RNF166: variants seen among roughly 807,000 people sequenced by gnomAD.
The protein encoded by RNF166 is E3 ubiquitin-protein ligase RNF166.
RNF166 carries 19 observed loss-of-function variants against 29.4 expected under a neutral mutation model. The ratio of observed to expected loss-of-function variants is 0.65; its 90% confidence interval spans 0.45 to 0.95. The LOEUF is 0.95. Ranked by LOEUF, RNF166 falls within the 40% of genes least tolerant of loss-of-function variation. The pLI is 0.00. For missense variants in RNF166, 347 were observed against 322.1 expected (o/e 1.08, Z -0.59); for synonymous variants, 171 against 134.5 (o/e 1.27, Z -1.88).
intron 2 of RNF166, 195 bp downstream of exon 2, chr16:88,701,067 C>A (rs1179195541): frequency 7.6e-7 from 1 of 1,312,582 alleles, no homozygotes. Context: ...CCCCGTCAGC[C>A]GTCACCACAG....
chr16:88,700,130 C>T (rs780437510), intron 2 of RNF166: 37 of 161,526 alleles, frequency 2.3e-4, no homozygotes, highest in African/African-American at 4.8e-4. Context: ...GGGATGCTTC[C>T]GTGGAGGCAG....
chr16:88,698,131 TG>T (rs1211222664), intron 5 of RNF166: 2 of 578,376 alleles, frequency 3.5e-6, no homozygotes, highest in African/African-American at 3.8e-5. Flanking sequence ...CCGCGGCGGG[TG>T]GGAAAAGGAG....
At chr16:88,698,737 G>T in intron 4 of RNF166, 128 bp from the exon 5 acceptor site, 1 of 713,982 alleles carries the variant, frequency 1.4e-6, no homozygotes. Context: ...CAGACCTGGA[G>T]GCGCGTGTCC....
intron 2 of RNF166, chr16:88,700,975 C>T: frequency 7.6e-7 from 1 of 1,312,462 alleles, no homozygotes; most frequent in Non-Finnish European, 9.8e-7. Flanking sequence ...GCCCCCTGGT[C>T]CTTACCCTGG....
chr16:88,698,100 G>T, intron 5 of RNF166: 1 of 581,670 alleles, frequency 1.7e-6, no homozygotes, highest in South Asian at 2.1e-5. Context: ...TGCAGGCCCG[G>T]GGGCCAGGTG....
chr16:88,703,917 G>C, intron 1 of RNF166: 1 of 985,460 alleles, frequency 1.0e-6, no homozygotes, highest in South Asian at 4.7e-5. Context: ...AGTGGAGGCT[G>C]CTCACACAGC....
chr16:88,704,026 C>G (rs572122558), intron 1 of RNF166: 1 of 985,328 alleles, frequency 1.0e-6, no homozygotes, highest in East Asian at 1.1e-4. Flanking sequence ...GAGAACAGCT[C>G]CTGCTGGGCC....
chr16:88,700,761 C>T (rs1910134092), intron 2 of RNF166: 1 of 998,340 alleles, frequency 1.0e-6, no homozygotes. Flanking sequence ...CAATGAGGCC[C>T]ATGACAAGCT....
intron 1 of RNF166, chr16:88,704,446 C>A (rs1910564232): frequency 1.0e-6 from 1 of 985,332 alleles, no homozygotes; most frequent in Admixed American, 6.1e-5. Flanking sequence ...CTCCACAATT[C>A]CATGTGGTTC....
At chr16:88,702,361 A>T (rs975359636) in intron 1 of RNF166, among the ~76,000 whole-genome samples, 9 of 152,180 alleles carry the variant, frequency 5.9e-5, no homozygotes, top group African/African-American at 2.2e-4. Flanking sequence ...CAGGAAGGCT[A>T]CAGCACCCGG....
At position 88,706,239 on chromosome 16, in the gene RNF166, C is replaced by T. The variant is rs1006843467; in HGVS notation, c.87G>A (p.Ala29=). Reference sequence around the variant, plus strand: ...CCAGGCAGATGGGGCAGGTGTACTGCGCCTCCAGGCCGCTGTCGCCGCCCG... The same window carrying T: ...CCAGGCAGATGGGGCAGGTGTACTGTGCCTCCAGGCCGCTGTCGCCGCCCG... ...GPAGGDSGLE[A]QYTCPICLEV... Residue 29 remains alanine (A), a synonymous_variant, in exon 1 of 6, where the codon GCG becomes GCA. Coordinates refer to ENST00000312838, the MANE Select transcript of RNF166 (RefSeq NM_178841.4). 3.0e-6 allele frequency: 4 copies of T among 1,313,098 alleles called. No individual in the cohort carries two copies. The highest frequency in any genetic ancestry group is 3.6e-5 in the South Asian group (2 of 54,940). The allele number at this position is 1,313,098 out of a possible 1,614,324, so 81.3% of individuals were successfully genotyped here.
At position 88,705,144 on chromosome 16, in the gene RNF166, T is replaced by C. The variant is rs540505544; in HGVS notation, c.155+1027A>G. Among the ~76,000 whole-genome samples the C allele has an allele frequency of 7.2e-5, 11 of 152,324 alleles. No individual in the cohort carries two copies. The East Asian group carries it at 1.5e-3, about 21-fold the overall frequency. ...CGCCTGTGCTGCCTGACACAGGTAA[T>C]GAAGGCAGCTCTGCATCCTGACACT... On this transcript the variant is annotated intron_variant, in intron 1 of 5. Transcript: ENST00000312838.
chr16:88,701,140 A>G (rs763804393), intron 2 of RNF166, 122 bp downstream of exon 2: 641 of 1,342,428 alleles, frequency 4.8e-4, no homozygotes, highest in Non-Finnish European at 6.1e-4. Context: ...GTGCAGGAGC[A>G]GAGACCGCGA....
rs971765103 is a variant in RNF166 at position 88,706,389 on chromosome 16, A to G, written c.-64T>C. On this transcript the variant is annotated 5_prime_UTR_variant, in exon 1 of 6. Coordinates refer to ENST00000312838, the MANE Select transcript of RNF166 (RefSeq NM_178841.4). Reference sequence around the variant, plus strand: ...TGGCCCGGGCCGGCCCGCTAGTCACAGCCGCTACTGCGCCGCGCTGACGTC... The same window carrying G: ...TGGCCCGGGCCGGCCCGCTAGTCACGGCCGCTACTGCGCCGCGCTGACGTC... The G allele has an allele frequency of 2.5e-6, 3 of 1,214,696 alleles. No homozygotes were observed. The highest frequency in any genetic ancestry group is 1.6e-5 in the African/African-American group (1 of 62,838). 75.2% of individuals were successfully genotyped at this position (1,214,696 alleles called of 1,614,324 possible).
chr16:88,699,169 C>T (rs1196702388), intron 3 of RNF166, 84 bp from the exon 4 acceptor site: 1 of 950,908 alleles, frequency 1.1e-6, no homozygotes, highest in African/African-American at 1.6e-5. Context: ...CAGGCGTGGC[C>T]CCAGGCCTGC....
intron 4 of RNF166, 71 bp from the exon 5 acceptor site, chr16:88,698,680 C>A: frequency 8.4e-7 from 1 of 1,191,152 alleles, no homozygotes; most frequent in South Asian, 1.5e-5. Flanking sequence ...GGACTGGGGG[C>A]CCTCCACTGA....
In RNF166 at chr16:88,698,598, G is replaced by A; in HGVS notation, c.552C>T (p.Ile184=). The A allele has an allele frequency of 6.5e-7, 1 of 1,532,094 alleles. No homozygotes were observed. The highest frequency in any genetic ancestry group is 8.8e-7 in the Non-Finnish European group (1 of 1,135,848). The allele number at this position is 1,532,094 out of a possible 1,614,324, so 94.9% of individuals were successfully genotyped here. A position where few individuals can be genotyped will look rare whatever the true frequency, so the allele number is the denominator to read the frequency against. ...GGTCCCCCCAGGGCATTGCCGAGCA[G>A]ATGGGGCACACCTGGAACAGGCACT... ...RSDPNRVVCP[I]CSAMPWGDPS... is the part of the protein sequence containing the mutation. The change falls in exon 5 of 6, where the codon ATC becomes ATT. Residue 184 remains isoleucine, a synonymous_variant. Transcript: ENST00000312838.
rs932865210 is a variant in RNF166 at position 88,699,846 on chromosome 16, T to G, written c.313-114A>C. 6 of 680,358 alleles carry G rather than the reference T, an allele frequency of 8.8e-6. No individual in the cohort carries two copies. In the African/African-American group the frequency reaches 1.1e-4, roughly 12 times the overall value. 42.1% of individuals were successfully genotyped at this position (680,358 alleles called of 1,614,324 possible). ...GAGAACTGTAAGCAAGCGTCTGTGT[T>G]GCCAGCAGCAGGGGGACCCGGTCCC... On this transcript the variant is annotated intron_variant, in intron 2 of 5. Transcript: ENST00000312838.
chr16:88,702,276 T>C (rs1910324165), intron 1 of RNF166, among the ~76,000 whole-genome samples: 3 of 152,208 alleles, frequency 2.0e-5, no homozygotes. Context: ...CAGCCACATC[T>C]GGCCTTGTGA....
Sources: gnomAD v4.1 joint callset for allele counts (sites outside exome capture counted in the v4.1 genomes callset) on GRCh38, gnomAD v4.1.1 for gene constraint, MANE v1.5 for transcripts, NCBI Gene and HGNC (gene_info 2026-07-23, HGNC 2026-07-21) for gene names.